The following RPTOR variants were observed in gnomAD, a reference collection of about 807,000 sequenced individuals.
RPTOR encodes the protein regulatory associated protein of MTOR complex 1.
In RPTOR, 21 loss-of-function variants were observed where a neutral mutation model predicts 169.9. The observed-to-expected ratio is 0.12, with a 90% CI of 0.09 to 0.18. The LOEUF is 0.18. Among genes scored for constraint, RPTOR ranks in the 10% least tolerant of loss-of-function variants. The pLI, the probability that RPTOR is intolerant of heterozygous loss-of-function variation, is 1.00. For synonymous variants in RPTOR, 732 were observed against 753.2 expected, an observed-to-expected ratio of 0.97 and a Z score of 0.46; for missense variants, 1,133 against 1,855.9, an observed-to-expected ratio of 0.61 and a Z score of 7.16.
chr17:80,709,589 C>T (rs1398941154), intron 4 of RPTOR, among the ~76,000 whole-genome samples: 1 of 152,260 alleles, frequency 6.6e-6, no homozygotes, highest in Non-Finnish European at 1.5e-5. Context: ...TGCCGGGACC[C>T]CGCCCTTCTC....
chr17:80,593,419 A>G (rs1017851665), intron 1 of RPTOR: 1 of 154,840 alleles, frequency 6.5e-6, no homozygotes, highest in East Asian at 1.9e-4. Flanking sequence ...TTACAACACC[A>G]TGTGTGGGTA....
chr17:80,869,801 T>C (rs1018272191), intron 13 of RPTOR, among the ~76,000 whole-genome samples: 1 of 152,198 alleles, frequency 6.6e-6, no homozygotes, highest in African/African-American at 2.4e-5. Flanking sequence ...TTTCACACAG[T>C]GCAGAAAAAC....
In RPTOR at chr17:80,730,541, C is replaced by T. The variant is rs746698904; in HGVS notation, c.508-19C>T. 1 of 1,611,258 alleles carries T rather than the reference C, an allele frequency of 6.2e-7. No individual in the cohort carries two copies. The highest frequency in any genetic ancestry group is 8.5e-7 in the Non-Finnish European group (1 of 1,177,478). On this transcript the variant is annotated intron_variant, in intron 4 of 33. Coordinates refer to ENST00000306801, the MANE Select transcript of RPTOR (RefSeq NM_020761.3). This position sits in a 1 kb window ranked among gnomAD's most constrained non-coding sequence, Gnocchi z 4.2. ...TCCTGAGACGCACATGTAACGAGCG[C>T]ACTTTGTGTGTTTTCTAGAACTACA...
chr17:80,565,981 G>A (rs1331476484), intron 1 of RPTOR, among the ~76,000 whole-genome samples: 1 of 152,252 alleles, frequency 6.6e-6, no homozygotes, highest in Non-Finnish European at 1.5e-5. Flanking sequence ...TTGGTTTAAA[G>A]TCCCTCCTTA....
At chr17:80,668,049 C>T (rs1471564524) in intron 3 of RPTOR, among the ~76,000 whole-genome samples, 1 of 152,172 alleles carries the variant, frequency 6.6e-6, no homozygotes, top group African/African-American at 2.4e-5. Context: ...GAGGAAACGT[C>T]TGGTTTCAGG....
chr17:80,904,080 G>A (rs1361713531), intron 20 of RPTOR, among the ~76,000 whole-genome samples: 2 of 152,244 alleles, frequency 1.3e-5, no homozygotes, highest in Non-Finnish European at 2.9e-5. Context: ...CGCCCACCCG[G>A]CCCGGGAGGT....
intron 10 of RPTOR, among the ~76,000 whole-genome samples, chr17:80,840,787 ACACT>A (rs1457992296): frequency 3.6e-4 from 42 of 116,216 alleles, no homozygotes; most frequent in African/African-American, 1.2e-3. Context: ...ACCGCAGCTC[ACACT>A]CACCGCACGG....
intron 10 of RPTOR, among the ~76,000 whole-genome samples, chr17:80,838,203 T>C (rs917504827): frequency 3.3e-5 from 5 of 152,236 alleles, no homozygotes; most frequent in Non-Finnish European, 7.3e-5. Flanking sequence ...AATCAACTTT[T>C]AAAACAGTCC....
rs2069315957 is a variant in RPTOR at position 80,960,086 on chromosome 17, T to C, written c.3486T>C (p.Pro1162=). Residue 1162 remains proline, a synonymous_variant, in exon 30 of 34, where the codon CCT becomes CCC. Transcript: ENST00000306801. The surrounding 1 kb of genome is among the most constrained non-coding windows in gnomAD (Gnocchi z 4.8). ...CCTGTGTTTGGCTCTAGGACATCCC[T>C]ACGGGCGCAGACAGCTGTGTGACGA... ...TDREMKVQDI[P]TGADSCVTSL... The C allele has an allele frequency of 1.2e-6, 2 of 1,613,628 alleles. No homozygotes were observed. Among genetic ancestry groups the C allele is most frequent in the East Asian group, 4.5e-5 (2 of 44,866 alleles).
chr17:80,889,896 TACGCAGCAGG>T (rs2068297145), intron 17 of RPTOR, among the ~76,000 whole-genome samples: 25 of 119,610 alleles, frequency 2.1e-4, no homozygotes, highest in Admixed American at 6.4e-4. Context: ...GAGGCCCCCG[TACGCAGCAGG>T]ATGTGCGGCC....
chr17:80,856,803 T>G (rs969410968), intron 12 of RPTOR, among the ~76,000 whole-genome samples: 1 of 152,234 alleles, frequency 6.6e-6, no homozygotes, highest in African/African-American at 2.4e-5. Context: ...AAAACCAGTT[T>G]CTTCCCTTTA....
chr17:80,841,123 A>ACTCT (rs2067642618), intron 10 of RPTOR, among the ~76,000 whole-genome samples: 2 of 92,332 alleles, frequency 2.2e-5, no homozygotes, highest in Non-Finnish European at 3.9e-5. Context: ...ACCGCAGCTC[A>ACTCT]CACTCACCGC....
At position 80,651,494 on chromosome 17, in the gene RPTOR, A is replaced by T. The variant is rs2065638959; in HGVS notation, c.348+7684A>T. On this transcript the variant is annotated intron_variant, in intron 3 of 33. Transcript: ENST00000306801. This position sits in a 1 kb window ranked among gnomAD's most constrained non-coding sequence, Gnocchi z 4.1. ...AAGGGCTTCTGTACAGCTCCCTCCC[A>T]AATGTCCGCGATTTACTTGTTGGTA... Among the ~76,000 whole-genome samples, 1 of 152,166 alleles carries T rather than the reference A, an allele frequency of 6.6e-6. No homozygotes were observed.
chr17:80,545,229 GGCCT>G lies in RPTOR; in HGVS notation c.-395_-392del, dbSNP rs1165576631. On this transcript the variant is annotated 5_prime_UTR_variant, in exon 1 of 34. Coordinates refer to ENST00000306801, the MANE Select transcript of RPTOR (RefSeq NM_020761.3). ...CAGTGGGCGAACCGGCACCAAGAGC[GGCCT>G]GCCTGTCTTCGGAACTGCTGAGGCG... is the stretch of plus-strand genomic sequence containing the variant. 1 of 237,018 alleles carries G rather than the reference GGCCT, an allele frequency of 4.2e-6. No individual in the cohort carries two copies. The highest frequency in any genetic ancestry group is 8.3e-6 in the Non-Finnish European group (1 of 120,536). The allele number at this position is 237,018 out of a possible 1,614,324, so 14.7% of individuals were successfully genotyped here.
At chr17:80,565,048 A>T (rs560523224) in intron 1 of RPTOR, among the ~76,000 whole-genome samples, 2 of 152,082 alleles carry the variant, frequency 1.3e-5, no homozygotes, top group Non-Finnish European at 2.9e-5. Context: ...GGTTGATTCC[A>T]TGTCTTTGCT....
chr17:80,641,810 A>G (rs1391774065), intron 2 of RPTOR, among the ~76,000 whole-genome samples: 1 of 152,182 alleles, frequency 6.6e-6, no homozygotes, highest in Admixed American at 6.5e-5. Flanking sequence ...CAACTAATGG[A>G]GGAGGGGTGG....
At chr17:80,681,387 C>T (rs1280972766) in intron 3 of RPTOR, among the ~76,000 whole-genome samples, 1 of 152,190 alleles carries the variant, frequency 6.6e-6, no homozygotes, top group African/African-American at 2.4e-5. Context: ...CCTCACACTG[C>T]CCTGCTAGAG....
chr17:80,765,702 A>G (rs1490802858), intron 6 of RPTOR, among the ~76,000 whole-genome samples: 1 of 152,132 alleles, frequency 6.6e-6, no homozygotes, highest in Non-Finnish European at 1.5e-5. Flanking sequence ...CTCATTTGCC[A>G]TGATTTCCTT....
rs1006896025 is a variant in RPTOR at position 80,961,249 on chromosome 17, G to A, written c.3606-145G>A. The stretch of plus-strand genomic sequence containing the variant: ...TGGAGGGGGCTCTGACCCTGCGTGA[G>A]CACTAGCCCCTCGTGGGGAGCGGAC... On this transcript the variant is annotated intron_variant, in intron 30 of 33. Transcript: ENST00000306801. 5 of 689,616 alleles carry A rather than the reference G, an allele frequency of 7.3e-6. No homozygotes were observed. The Admixed American group carries it at 1.1e-4, about 16-fold the overall frequency. The allele number at this position is 689,616 out of a possible 1,614,324, so 42.7% of individuals were successfully genotyped here.
Sources: allele counts gnomAD v4.1 joint callset (sites outside exome capture counted in the v4.1 genomes callset), GRCh38; gene constraint gnomAD v4.1.1; non-coding constraint Gnocchi (gnomAD v3.1); transcripts MANE v1.5; gene names NCBI Gene and HGNC (gene_info 2026-07-23, HGNC 2026-07-21).